The following HSPA4L variants were observed in gnomAD, a reference collection of about 807,000 sequenced individuals.
The protein encoded by HSPA4L is heat shock 70 kDa protein 4L.
HSPA4L carries 48 observed loss-of-function variants against 100.3 expected under a neutral mutation model. The ratio of observed to expected loss-of-function variants is 0.48; its 90% CI spans 0.38 to 0.61. The LOEUF is 0.61. HSPA4L is among the 20% of genes least tolerant of loss of function. The pLI, the probability that HSPA4L is intolerant of heterozygous loss-of-function variation, is 0.00. For synonymous variants in HSPA4L, 319 were observed against 328.2 expected, an observed-to-expected ratio of 0.97 and a Z score of 0.30; for missense variants, 886 against 988.6, an observed-to-expected ratio of 0.90 and a Z score of 1.39.
chr4:127,839,026 C>G lies in HSPA4L; in HGVS notation c.*6152C>G, dbSNP rs1469121871. The G allele has an allele frequency of 6.6e-6, 1 of 152,030 alleles. No individual in the cohort carries two copies. Among genetic ancestry groups the G allele is most frequent in the East Asian group, 1.9e-4 (1 of 5,186 alleles). 9.4% of individuals were successfully genotyped at this position (152,030 alleles called of 1,614,324 possible). Reference sequence around the variant, plus strand: ...GCCTTGGAATACTTTAATTCCGGACCAAAAGAGGTCAATTTTGTGAGTATT... The same window carrying G: ...GCCTTGGAATACTTTAATTCCGGACGAAAAGAGGTCAATTTTGTGAGTATT... On this transcript the variant is annotated 3_prime_UTR_variant, in exon 19 of 19. Transcript: ENST00000296464.
intron 16 of HSPA4L, among the ~76,000 whole-genome samples, chr4:127,825,125 A>G (rs1039357360): frequency 3.3e-5 from 5 of 151,586 alleles, no homozygotes; most frequent in Non-Finnish European, 7.4e-5. Flanking sequence ...GGGCGACAGA[A>G]TGAGACTCCA....
chr4:127,810,706 TATG>T (rs1560662591), intron 11 of HSPA4L, among the ~76,000 whole-genome samples: 1 of 152,146 alleles, frequency 6.6e-6, no homozygotes, highest in Non-Finnish European at 1.5e-5. Context: ...TGCAGTGACC[TATG>T]ATCCTGCCAC....
intron 14 of HSPA4L, 115 bp downstream of exon 14, chr4:127,820,680 A>G: frequency 1.1e-6 from 1 of 873,992 alleles, no homozygotes; most frequent in Non-Finnish European, 1.8e-6. Context: ...AAGGAATTAT[A>G]TTAAGTAGAT....
intron 5 of HSPA4L, 148 bp from the exon 6 acceptor site, chr4:127,801,637 A>G (rs1451693622): frequency 1.6e-6 from 1 of 608,626 alleles, no homozygotes; most frequent in Non-Finnish European, 2.6e-6. Flanking sequence ...TTAAAGCATT[A>G]TTAACCGAAT....
chr4:127,830,811 A>C lies in HSPA4L; in HGVS notation c.2328+12A>C, dbSNP rs754752920. On this transcript the variant is annotated intron_variant, in intron 18 of 18. Coordinates refer to ENST00000296464, the MANE Select transcript of HSPA4L (RefSeq NM_014278.4). Reference sequence around the variant, plus strand: ...TAGCAAAGTCAAAGGTAAGAAGTTTATGAAATTGCCTTTTTAATGGTTTCA... The same window carrying C: ...TAGCAAAGTCAAAGGTAAGAAGTTTCTGAAATTGCCTTTTTAATGGTTTCA... 5 of 1,522,122 alleles carry C rather than the reference A, an allele frequency of 3.3e-6. No individual in the cohort carries two copies. The South Asian group carries it at 6.6e-5, about 20-fold the overall frequency. The allele number at this position is 1,522,122 out of a possible 1,614,324, so 94.3% of individuals were successfully genotyped here.
chr4:127,816,462 TCA>T (rs1733672858), intron 12 of HSPA4L, among the ~76,000 whole-genome samples: 1 of 152,224 alleles, frequency 6.6e-6, no homozygotes, highest in African/African-American at 2.4e-5. Context: ...GAGATACTTC[TCA>T]TCACCTGTGC....
At chr4:127,832,019 C>T (rs1734096600) in intron 18 of HSPA4L, among the ~76,000 whole-genome samples, 1 of 151,242 alleles carries the variant, frequency 6.6e-6, no homozygotes, top group South Asian at 2.1e-4. Flanking sequence ...AAAACATTCC[C>T]CTTAAGATGT....
At chr4:127,787,687 T>C (rs2148774852) in intron 1 of HSPA4L, among the ~76,000 whole-genome samples, 1 of 152,314 alleles carries the variant, frequency 6.6e-6, no homozygotes, top group African/African-American at 2.4e-5. Context: ...TAGTATCCCA[T>C]TGATACAGTG....
chr4:127,792,336 T>A lies in HSPA4L; in HGVS notation c.108-1741T>A, dbSNP rs867445542. On this transcript the variant is annotated intron_variant, in intron 1 of 18. Transcript: ENST00000296464. Reference sequence around the variant, plus strand: ...TCTCCCTGGCTGAGTCCAAATTATATTCTTCTAGTCCTCAAATGAGCATTA... The same window carrying A: ...TCTCCCTGGCTGAGTCCAAATTATAATCTTCTAGTCCTCAAATGAGCATTA... Among the ~76,000 whole-genome samples the A allele has an allele frequency of 1.1e-4, 17 of 152,300 alleles. No homozygotes were observed. In the South Asian group the frequency reaches 1.7e-3, roughly 15 times the overall value.
chr4:127,817,650 C>T (rs969675873), intron 12 of HSPA4L, among the ~76,000 whole-genome samples: 5 of 151,970 alleles, frequency 3.3e-5, no homozygotes, highest in African/African-American at 1.2e-4. Context: ...TAGAAACACC[C>T]ACTTTGAGTT....
chr4:127,807,752 A>T (rs920262854), intron 10 of HSPA4L, among the ~76,000 whole-genome samples: 1 of 152,138 alleles, frequency 6.6e-6, no homozygotes, highest in African/African-American at 2.4e-5. Flanking sequence ...ACGTATTCTC[A>T]GGTAATTTTT....
At chr4:127,783,121 A>G (rs1031240499) in intron 1 of HSPA4L, among the ~76,000 whole-genome samples, 1 of 151,764 alleles carries the variant, frequency 6.6e-6, no homozygotes, top group African/African-American at 2.4e-5. Context: ...AGAAAAGTAA[A>G]AAGTCAGCTT....
At chr4:127,792,032 T>C (rs867226166) in intron 1 of HSPA4L, among the ~76,000 whole-genome samples, 2 of 152,242 alleles carry the variant, frequency 1.3e-5, no homozygotes, top group South Asian at 4.1e-4. Context: ...CTGTTTGCTT[T>C]CTCTGAAAAT....
In HSPA4L at chr4:127,836,664, GAA is replaced by G. The variant is rs1230792931; in HGVS notation, c.*3794_*3795del. On this transcript the variant is annotated 3_prime_UTR_variant, in exon 19 of 19. Transcript: ENST00000296464. ...AAATTAGCCCATCTTTAACTGTTTT[GAA>G]AAATCTATATTTATTAAAGGTAGTA... 2 of 151,772 alleles carry G rather than the reference GAA, an allele frequency of 1.3e-5. No homozygotes were observed. Among genetic ancestry groups the G allele is most frequent in the Non-Finnish European group, 2.9e-5 (2 of 67,964 alleles). 9.4% of individuals were successfully genotyped at this position (151,772 alleles called of 1,614,324 possible).
chr4:127,793,221 ATAT>A (rs1578691712), intron 1 of HSPA4L, among the ~76,000 whole-genome samples: 2 of 152,210 alleles, frequency 1.3e-5, no homozygotes, highest in East Asian at 3.8e-4. Context: ...AGACAAATAG[ATAT>A]TAAATGTTTT....
At chr4:127,829,418 G>A (rs1051516720) in intron 17 of HSPA4L, among the ~76,000 whole-genome samples, 14 of 152,014 alleles carry the variant, frequency 9.2e-5, no homozygotes, top group African/African-American at 3.4e-4. Context: ...TCTGGAGGCA[G>A]AGAGATGGAA....
chr4:127,791,718 ACT>A (rs1361293004), intron 1 of HSPA4L, among the ~76,000 whole-genome samples: 1 of 151,844 alleles, frequency 6.6e-6, no homozygotes, highest in South Asian at 2.1e-4. Context: ...TCTCCAACAA[ACT>A]CTCTACCACT....
rs1158276786 is a variant in HSPA4L, at chr4:127,808,214, T to A, written c.1378+85T>A. On this transcript the variant is annotated intron_variant, in intron 11 of 18. Transcript: ENST00000296464. Reference sequence around the variant, plus strand: ...AGAATCAAGGAAACAAATAGACATTTCAGCTAAGCCAGTATGGGACTTTTA... The same window carrying A: ...AGAATCAAGGAAACAAATAGACATTACAGCTAAGCCAGTATGGGACTTTTA... The A allele has an allele frequency of 4.3e-6, 5 of 1,150,468 alleles. No homozygotes were observed. The African/African-American group carries it at 6.3e-5, about 14-fold the overall frequency. The allele number at this position is 1,150,468 out of a possible 1,614,324, so 71.3% of individuals were successfully genotyped here.
Position 127,808,092 on chromosome 4 carries a change from TA to T in HSPA4L, c.1343del (p.Asn448IlefsTer31). 1.2e-6 allele frequency: 2 copies of T among 1,612,044 alleles called. No individual in the cohort carries two copies. The highest frequency in any genetic ancestry group is 1.7e-6 in the Non-Finnish European group (2 of 1,179,018). ...CATTTGAACTAGAAGCATTTTATAC[TA>T]ATTTACATGAAGTGCCTTATCCTGA... ...EPFELEAFYT[N>X]LHEVPYPDAR... On this transcript the variant is annotated frameshift_variant, in exon 11 of 19. Coordinates refer to ENST00000296464, the MANE Select transcript of HSPA4L (RefSeq NM_014278.4). LOFTEE classifies it high-confidence loss of function.
Sources: allele counts gnomAD v4.1 joint callset (sites outside exome capture counted in the v4.1 genomes callset), GRCh38; gene constraint gnomAD v4.1.1; transcripts MANE v1.5; gene names NCBI Gene and HGNC (gene_info 2026-07-23, HGNC 2026-07-21).